The following FBXL13 variants were observed in gnomAD, a reference collection of about 807,000 sequenced individuals.
FBXL13 encodes F-box and leucine-rich repeat protein 13.
FBXL13 carries 67 observed loss-of-function variants against 83.6 expected under a neutral mutation model. The ratio of observed to expected loss-of-function variants is 0.80; its 90% confidence interval spans 0.66 to 0.98. FBXL13 has a LOEUF of 0.98. Ranked by LOEUF, FBXL13 falls within the 50% of genes least tolerant of loss-of-function variation. The pLI is 0.00. For synonymous variants in FBXL13, 272 were observed against 299.5 expected, an observed-to-expected ratio of 0.91 and a Z score of 0.95; for missense variants, 822 against 866.5, an observed-to-expected ratio of 0.95 and a Z score of 0.64.
intron 17 of FBXL13, among the ~76,000 whole-genome samples, chr7:102,853,832 C>T (rs1336748197): frequency 6.6e-6 from 1 of 152,152 alleles, no homozygotes; most frequent in Non-Finnish European, 1.5e-5. Context: ...TATCATCTCA[C>T]ACCAGTTAGA....
At chr7:102,900,744 CA>C (rs1307652072) in intron 11 of FBXL13, among the ~76,000 whole-genome samples, 3 of 152,236 alleles carry the variant, frequency 2.0e-5, no homozygotes, top group African/African-American at 7.2e-5. Flanking sequence ...TAAAGGGGCT[CA>C]ATTTCAAACT....
chr7:102,954,529 T>G (rs9718453), intron 8 of FBXL13, among the ~76,000 whole-genome samples: 81,485 of 151,984 alleles, frequency 0.54, 23,922 homozygotes, highest in Non-Finnish European at 0.65. Flanking sequence ...CAGGAAAACA[T>G]TCACACATCA....
intron 10 of FBXL13, among the ~76,000 whole-genome samples, chr7:102,920,984 G>C (rs147631853): frequency 6.6e-6 from 1 of 151,234 alleles, no homozygotes; most frequent in Admixed American, 6.6e-5. Flanking sequence ...AAACCCTGTC[G>C]CTACTAAAAA....
intron 6 of FBXL13, among the ~76,000 whole-genome samples, chr7:103,022,775 A>G (rs898117685): frequency 2.6e-5 from 4 of 152,258 alleles, no homozygotes; most frequent in African/African-American, 4.8e-5. Context: ...CAAAAATTTC[A>G]TTATGAAGAT....
chr7:102,927,682 A>G (rs963862467), intron 9 of FBXL13, among the ~76,000 whole-genome samples: 1 of 152,200 alleles, frequency 6.6e-6, no homozygotes, highest in Non-Finnish European at 1.5e-5. Flanking sequence ...ATGCTGCATG[A>G]GAGGCCAGTG....
At chr7:103,018,599 CAT>C (rs1228794023) in intron 6 of FBXL13, among the ~76,000 whole-genome samples, 1 of 152,104 alleles carries the variant, frequency 6.6e-6, no homozygotes, top group Non-Finnish European at 1.5e-5. Context: ...CAGAGGCACA[CAT>C]AGGCTCAAAA....
intron 2 of FBXL13, among the ~76,000 whole-genome samples, chr7:103,043,841 G>C (rs1471053831): frequency 6.6e-6 from 1 of 152,194 alleles, no homozygotes; most frequent in Non-Finnish European, 1.5e-5. Flanking sequence ...AAAGCAAAAA[G>C]AATTGCATAA....
At chr7:102,897,857 C>CT (rs1436113010) in intron 11 of FBXL13, among the ~76,000 whole-genome samples, 1 of 152,116 alleles carries the variant, frequency 6.6e-6, no homozygotes, top group South Asian at 2.1e-4. Context: ...TATAAGATGA[C>CT]TTTAATACTT....
chr7:102,850,236 A>G (rs1804972331), intron 17 of FBXL13, among the ~76,000 whole-genome samples: 1 of 152,150 alleles, frequency 6.6e-6, no homozygotes, highest in Non-Finnish European at 1.5e-5. Context: ...GAGTGAAAAG[A>G]AAAATGTCTG....
intron 6 of FBXL13, among the ~76,000 whole-genome samples, chr7:103,015,106 CA>C (rs1196489942): frequency 6.6e-6 from 1 of 152,040 alleles, no homozygotes; most frequent in African/African-American, 2.4e-5. Flanking sequence ...ACAATCATCT[CA>C]ATAGATGCAG....
chr7:103,040,697 A>C (rs889591604), intron 2 of FBXL13, among the ~76,000 whole-genome samples: 22 of 152,326 alleles, frequency 1.4e-4, no homozygotes, highest in African/African-American at 4.8e-4. Context: ...ACTACATGGA[A>C]ACTGAACAAC....
At position 102,922,171 on chromosome 7, in the gene FBXL13, C is replaced by T. The variant is rs138453024; in HGVS notation, c.878+4103G>A. On this transcript the variant is annotated intron_variant, in intron 10 of 19. Coordinates refer to ENST00000313221, the Ensembl canonical transcript of FBXL13. ...TGCCACTGCATTCCAGCCTGGGCGACAGAGGAAGACTCTGTCTCAAAAAAA... is the reference window on the plus strand; with the variant it reads ...TGCCACTGCATTCCAGCCTGGGCGATAGAGGAAGACTCTGTCTCAAAAAAA... 3.9e-3 allele frequency among the ~76,000 whole-genome samples: 563 copies of T among 145,048 alleles called. 6 individuals carry two copies. The highest frequency in any genetic ancestry group is 0.014 in the African/African-American group (556 of 39,052).
intron 1 of FBXL13, among the ~76,000 whole-genome samples, chr7:103,073,560 A>G (rs1433090536): frequency 1.3e-5 from 2 of 152,172 alleles, no homozygotes; most frequent in Non-Finnish European, 2.9e-5. Flanking sequence ...TTTATTCTAC[A>G]TAATGCCTCA....
At chr7:103,036,545 G>C (rs1479089949) in intron 2 of FBXL13, among the ~76,000 whole-genome samples, 4 of 152,012 alleles carry the variant, frequency 2.6e-5, no homozygotes, top group African/African-American at 7.2e-5. Context: ...TTTTGAGACA[G>C]AGTCTCAATC....
intron 6 of FBXL13, among the ~76,000 whole-genome samples, chr7:103,006,318 C>T (rs1790983852): frequency 6.6e-6 from 1 of 152,152 alleles, no homozygotes; most frequent in African/African-American, 2.4e-5. Context: ...GCTGTGTATG[C>T]ACAGAGTGAG....
intron 18 of FBXL13, among the ~76,000 whole-genome samples, chr7:102,824,001 G>A (rs928932808): frequency 6.6e-6 from 1 of 152,196 alleles, no homozygotes; most frequent in African/African-American, 2.4e-5. Flanking sequence ...AGGACAACAA[G>A]GTGATGGAAA....
At chr7:103,012,195 G>C (rs1189336573) in intron 6 of FBXL13, among the ~76,000 whole-genome samples, 1 of 152,096 alleles carries the variant, frequency 6.6e-6, no homozygotes, top group Non-Finnish European at 1.5e-5. Flanking sequence ...GACCAACATG[G>C]AGAAACCCCG....
intron 17 of FBXL13, among the ~76,000 whole-genome samples, chr7:102,851,453 TTCCC>T (rs1007845925): frequency 8.3e-5 from 4 of 48,432 alleles, no homozygotes; most frequent in African/African-American, 6.8e-4. Flanking sequence ...CCTTCCTTCC[TTCCC>T]TCCCTCCCTC....
intron 2 of FBXL13, among the ~76,000 whole-genome samples, chr7:103,034,792 C>T (rs1794914666): frequency 6.6e-6 from 1 of 152,228 alleles, no homozygotes; most frequent in Non-Finnish European, 1.5e-5. Context: ...CTGTACAGCA[C>T]ACAGAGTACA....
Sources: gnomAD v4.1 joint callset for allele counts (sites outside exome capture counted in the v4.1 genomes callset) on GRCh38, gnomAD v4.1.1 for gene constraint, MANE v1.5 for transcripts, NCBI Gene and HGNC (gene_info 2026-07-23, HGNC 2026-07-21) for gene names.